SCHIP1: variants seen among roughly 807,000 people sequenced by gnomAD.
SCHIP1 encodes schwannomin interacting protein 1.
Under a neutral mutation model 29.7 loss-of-function variants are expected in SCHIP1, and 8 were observed. The ratio of observed to expected loss-of-function variants is 0.27; its 90% CI spans 0.16 to 0.49. The LOEUF is 0.49. SCHIP1 is among the 20% of genes least tolerant of loss of function. The probability of loss-of-function intolerance (pLI) is 0.99; values close to 1 mark genes in which losing one functional copy is unlikely to be tolerated. For missense variants in SCHIP1, 193 were observed against 294.6 expected, an observed-to-expected ratio of 0.66 and a Z score of 2.52; for synonymous variants, 76 against 94.9, an observed-to-expected ratio of 0.80 and a Z score of 1.16.
the SCHIP1 span, among the ~76,000 whole-genome samples, chr3:159,691,507 T>C: frequency 7.9e-5 from 12 of 151,354 alleles, no homozygotes; most frequent in African/African-American, 2.9e-4. Context: ...GCACCTGAGA[T>C]GGGTCTCCTG....
chr3:159,361,304 G>A, the SCHIP1 span, among the ~76,000 whole-genome samples: 1 of 152,186 alleles, frequency 6.6e-6, no homozygotes, highest in Admixed American at 6.5e-5. Context: ...TTGATAGAAA[G>A]GCAATTAGTT....
chr3:159,519,627 AAAC>A, the SCHIP1 span, among the ~76,000 whole-genome samples: 1 of 152,204 alleles, frequency 6.6e-6, no homozygotes, highest in African/African-American at 2.4e-5. Context: ...TTTTTGTGGT[AAAC>A]AACAGTGCAT....
the SCHIP1 span, among the ~76,000 whole-genome samples, chr3:159,513,010 A>G: frequency 6.6e-6 from 1 of 152,248 alleles, no homozygotes; most frequent in African/African-American, 2.4e-5. Flanking sequence ...TTTAATACTC[A>G]CAGGTATCAA....
chr3:159,735,477 G>A, the SCHIP1 span, among the ~76,000 whole-genome samples: 194 of 152,050 alleles, frequency 1.3e-3, 2 homozygotes, highest in Admixed American at 0.012. Flanking sequence ...TGATCTGCCC[G>A]CCTCAGCCTC....
chr3:159,731,000 T>A, the SCHIP1 span, among the ~76,000 whole-genome samples: 12 of 152,246 alleles, frequency 7.9e-5, 2 homozygotes, highest in South Asian at 2.5e-3. Flanking sequence ...TCCTTAAAAC[T>A]CAAAATTTAT....
chr3:159,351,111 G>A, the SCHIP1 span, among the ~76,000 whole-genome samples: 1 of 152,120 alleles, frequency 6.6e-6, no homozygotes, highest in African/African-American at 2.4e-5. Flanking sequence ...ACCAATGGAG[G>A]AACTAATGTA....
At chr3:159,462,374 C>T in the SCHIP1 span, among the ~76,000 whole-genome samples, 4 of 152,130 alleles carry the variant, frequency 2.6e-5, no homozygotes, top group Admixed American at 1.3e-4. Context: ...ACCTGCCCTG[C>T]GTCCTCCTCA....
At chr3:159,279,247 G>T in the SCHIP1 span, among the ~76,000 whole-genome samples, 1 of 152,144 alleles carries the variant, frequency 6.6e-6, no homozygotes, top group African/African-American at 2.4e-5. Context: ...AGATCTGATG[G>T]TTTTATAAAG....
the SCHIP1 span, among the ~76,000 whole-genome samples, chr3:159,833,958 T>A: frequency 7.9e-5 from 12 of 152,304 alleles, no homozygotes; most frequent in East Asian, 2.3e-3. Flanking sequence ...TGTCTTGGGA[T>A]GCATCCCTCT....
chr3:159,855,363 G>A (rs1317373188), intron 1 of SCHIP1, among the ~76,000 whole-genome samples: 1 of 152,102 alleles, frequency 6.6e-6, no homozygotes, highest in East Asian at 1.9e-4. Flanking sequence ...TAGTTACCTA[G>A]TATAAAAATA....
At chr3:159,420,976 G>A in the SCHIP1 span, among the ~76,000 whole-genome samples, 4 of 152,176 alleles carry the variant, frequency 2.6e-5, no homozygotes, top group African/African-American at 9.7e-5. Context: ...CTGATGCTGA[G>A]AAAGAGAGCC....
chr3:159,311,302 C>A, the SCHIP1 span, among the ~76,000 whole-genome samples: 113 of 152,154 alleles, frequency 7.4e-4, 1 homozygote, highest in African/African-American at 2.5e-3. Flanking sequence ...TCAAGAATTA[C>A]CCCCAGTTTG....
chr3:159,626,309 T>TA, the SCHIP1 span, among the ~76,000 whole-genome samples: 1 of 150,030 alleles, frequency 6.7e-6, no homozygotes. Flanking sequence ...GATTTTTTTT[T>TA]ACCTTAACCA....
the SCHIP1 span, among the ~76,000 whole-genome samples, chr3:159,806,592 C>T: frequency 6.6e-6 from 1 of 152,182 alleles, no homozygotes; most frequent in Non-Finnish European, 1.5e-5. Context: ...TGGAGGGCAC[C>T]AAAGGACAGA....
chr3:159,629,406 G>T, the SCHIP1 span, among the ~76,000 whole-genome samples: 3 of 152,200 alleles, frequency 2.0e-5, no homozygotes, highest in African/African-American at 7.2e-5. Context: ...TCCCATTTTG[G>T]TACAAAACCT....
the SCHIP1 span, among the ~76,000 whole-genome samples, chr3:159,339,444 C>G: frequency 6.6e-6 from 1 of 152,098 alleles, no homozygotes; most frequent in African/African-American, 2.4e-5. Flanking sequence ...ATCACCTTCT[C>G]TTCAGAACCA....
At chr3:159,645,269 C>T in the SCHIP1 span, among the ~76,000 whole-genome samples, 1 of 152,098 alleles carries the variant, frequency 6.6e-6, no homozygotes, top group Non-Finnish European at 1.5e-5. Flanking sequence ...CCAGGCTTGA[C>T]CCTCTGATCA....
the SCHIP1 span, among the ~76,000 whole-genome samples, chr3:159,586,435 G>A: frequency 3.9e-5 from 6 of 152,262 alleles, no homozygotes; most frequent in Admixed American, 3.9e-4. Context: ...AAAGAATGCA[G>A]AAAGAATGCA....
At chr3:159,814,216 C>T in the SCHIP1 span, among the ~76,000 whole-genome samples, 8 of 152,322 alleles carry the variant, frequency 5.3e-5, no homozygotes, top group South Asian at 2.1e-4. Flanking sequence ...ACCTTTCACC[C>T]GGCTTGGATC....
Sources: gnomAD v4.1 joint callset for allele counts (sites outside exome capture counted in the v4.1 genomes callset) on GRCh38, gnomAD v4.1.1 for gene constraint, MANE v1.5 for transcripts, NCBI Gene and HGNC (gene_info 2026-07-23, HGNC 2026-07-21) for gene names.